PHF3: variants seen among roughly 807,000 people sequenced by gnomAD.
The protein encoded by PHF3 is PHD finger protein 3.
PHF3 carries 41 observed loss-of-function variants against 178.4 expected under a neutral mutation model. That is an observed-to-expected ratio of 0.23 (90% CI 0.18 to 0.30). The LOEUF (loss-of-function observed/expected upper bound fraction) is 0.30. Among genes scored for constraint, PHF3 ranks in the 10% least tolerant of loss-of-function variants. The probability of loss-of-function intolerance (pLI) is 1.00; values close to 1 mark genes in which losing one functional copy is unlikely to be tolerated. For synonymous variants in PHF3, 842 were observed against 800.5 expected, an observed-to-expected ratio of 1.05 and a Z score of -0.88; for missense variants, 2,346 against 2,398.1, an observed-to-expected ratio of 0.98 and a Z score of 0.45.
chr6:63,669,379 T>G (rs532694528), intron 2 of PHF3, among the ~76,000 whole-genome samples: 21 of 152,340 alleles, frequency 1.4e-4, no homozygotes, highest in Admixed American at 4.6e-4. Flanking sequence ...GGTCCCTGTA[T>G]TAACTGGGCC....
In PHF3 at chr6:63,725,364, T is replaced by C. The variant is rs533905743; in HGVS notation, c.*11656T>C. ...CGTTGTACTGATTATAAAACTGTAG[T>C]ACAATATTCCCAGCCAGTCACAATC... On this transcript the variant is annotated 3_prime_UTR_variant, in exon 16 of 16. Coordinates refer to ENST00000262043, the MANE Select transcript of PHF3 (RefSeq NM_001370348.2). 1.3e-4 allele frequency among the ~76,000 whole-genome samples: 20 copies of C among 152,286 alleles called. 2 individuals carry two copies. The South Asian group carries it at 3.7e-3, about 28-fold the overall frequency.
At chr6:63,645,775 G>C (rs1308859137) in intron 1 of PHF3, among the ~76,000 whole-genome samples, 1 of 152,136 alleles carries the variant, frequency 6.6e-6, no homozygotes, top group Non-Finnish European at 1.5e-5. Flanking sequence ...TCAAATGGGA[G>C]ACTAACTTGA....
chr6:63,710,808 G>T (rs1668242006), intron 14 of PHF3, among the ~76,000 whole-genome samples: 1 of 152,110 alleles, frequency 6.6e-6, no homozygotes, highest in Non-Finnish European at 1.5e-5. Context: ...GGAGGTTACA[G>T]CATTGGAAAT....
At chr6:63,652,446 G>C (rs1765058093) in intron 2 of PHF3, among the ~76,000 whole-genome samples, 1 of 152,088 alleles carries the variant, frequency 6.6e-6, no homozygotes, top group Non-Finnish European at 1.5e-5. Context: ...TTAATCCCTT[G>C]TTGGATGGCT....
chr6:63,700,242 G>A (rs577158703), intron 8 of PHF3, 108 bp from the exon 9 acceptor site: 3 of 539,808 alleles, frequency 5.6e-6, no homozygotes, highest in Non-Finnish European at 9.9e-6. Context: ...AAATAATTAA[G>A]TATTTGTAAA....
Position 63,713,719 on chromosome 6 carries a change from C to T in PHF3, c.*11C>T. 1 of 1,532,950 alleles carries T rather than the reference C, an allele frequency of 6.5e-7. No homozygotes were observed. Among genetic ancestry groups the T allele is most frequent in the Non-Finnish European group, 8.7e-7 (1 of 1,145,046 alleles). The allele number at this position is 1,532,950 out of a possible 1,614,324, so 95.0% of individuals were successfully genotyped here. A position where few individuals can be genotyped will look rare whatever the true frequency, so the allele number is the denominator to read the frequency against. On this transcript the variant is annotated 3_prime_UTR_variant, in exon 16 of 16. Coordinates refer to ENST00000262043, the MANE Select transcript of PHF3 (RefSeq NM_001370348.2). ...AAAAGCAAAAGGTAAAATTTGCAGG[C>T]TGCTTCAGGATTACATTTAAATAAC...
Position 63,712,975 on chromosome 6 carries a change from C to T in PHF3, c.5387C>T (p.Ser1796Leu), listed in dbSNP as rs1768024985. 6.2e-7 allele frequency: 1 copy of T among 1,614,040 alleles called. No homozygotes were observed. The highest frequency in any genetic ancestry group is 8.5e-7 in the Non-Finnish European group (1 of 1,179,970). ...AGCCCCAGAACAAGTACAAACTTTT[C>T]ACCCATGAGGCCACAGCAGCCCAAC... ...STSPRTSTNFSPMRPQQPNLQ... is the reference protein window; with the variant it reads ...STSPRTSTNFLPMRPQQPNLQ... The change falls in exon 16 of 16, where the codon TCA becomes TTA. Residue 1796 changes from serine (S) to leucine (L), a missense_variant. Transcript: ENST00000262043.
chr6:63,705,916 T>C (rs2149605990), intron 11 of PHF3, 113 bp from the exon 12 acceptor site: 7 of 727,538 alleles, frequency 9.6e-6, no homozygotes, highest in Non-Finnish European at 1.1e-5. Flanking sequence ...AGGAAATGTA[T>C]GGTTACTCAG....
At chr6:63,657,506 A>G (rs1765287948) in intron 2 of PHF3, among the ~76,000 whole-genome samples, 1 of 152,204 alleles carries the variant, frequency 6.6e-6, no homozygotes, top group African/African-American at 2.4e-5. Context: ...AAAGTACACT[A>G]GAGAAATGTC....
chr6:63,678,770 A>G, intron 2 of PHF3: 1 of 439,800 alleles, frequency 2.3e-6, no homozygotes, highest in Admixed American at 2.5e-5. Flanking sequence ...TGCTCTTCAA[A>G]AAGATTGTGT....
intron 1 of PHF3, 144 bp from the exon 2 acceptor site, chr6:63,646,383 A>AC: frequency 3.9e-6 from 2 of 506,632 alleles, no homozygotes; most frequent in Non-Finnish European, 6.7e-6. Context: ...TATTCTAAAA[A>AC]CAAGTGAGGA....
At chr6:63,641,528 A>ATGTGTGTGTGTGTG (rs201250434) in intron 1 of PHF3, among the ~76,000 whole-genome samples, 1 of 140,570 alleles carries the variant, frequency 7.1e-6, no homozygotes, top group African/African-American at 2.6e-5. Context: ...TTAGGTGTGT[A>ATGTGTGTGTGTGTG]TGTGTGTGTG....
intron 2 of PHF3, among the ~76,000 whole-genome samples, chr6:63,670,224 G>A (rs759786273): frequency 3.9e-5 from 6 of 152,032 alleles, no homozygotes; most frequent in Admixed American, 1.3e-4. Context: ...TTCTGCATGG[G>A]TTAGTCAACA....
At chr6:63,687,980 T>TA (rs1416971275) in intron 4 of PHF3, among the ~76,000 whole-genome samples, 1 of 151,924 alleles carries the variant, frequency 6.6e-6, no homozygotes, top group African/African-American at 2.4e-5. Context: ...TTTTGTGAAT[T>TA]AAAGCCTTCC....
At chr6:63,668,179 A>C (rs1016134375) in intron 2 of PHF3, among the ~76,000 whole-genome samples, 1 of 152,208 alleles carries the variant, frequency 6.6e-6, no homozygotes, top group Admixed American at 6.5e-5. Context: ...TTGTTTCATT[A>C]CCTGGTTGCT....
In PHF3 at chr6:63,700,460, C is replaced by G; in HGVS notation, c.3093C>G (p.Asn1031Lys). Residue 1031 changes from asparagine to lysine, a missense_variant, in exon 9 of 16, where the codon AAC (asparagine) becomes AAG (lysine). This residue lies in a region of PHF3 where 45 missense variants were observed against 87.9 expected (regional missense o/e 0.51). Transcript: ENST00000262043. ...KELAAWRRRE[N>K]RHTIEMIEKE... Reference sequence around the variant, plus strand: ...TAGCTGCTTGGAGACGAAGAGAAAACAGACATGTAAGATTATCTATAAATA... The same window carrying G: ...TAGCTGCTTGGAGACGAAGAGAAAAGAGACATGTAAGATTATCTATAAATA... 3 of 1,516,088 alleles carry G rather than the reference C, an allele frequency of 2.0e-6. No homozygotes were observed. The highest frequency in any genetic ancestry group is 2.7e-6 in the Non-Finnish European group (3 of 1,095,176). 93.9% of individuals were successfully genotyped at this position (1,516,088 alleles called of 1,614,324 possible).
chr6:63,637,751 C>A (rs1210370066), intron 1 of PHF3, among the ~76,000 whole-genome samples: 1 of 152,102 alleles, frequency 6.6e-6, no homozygotes, highest in Non-Finnish European at 1.5e-5. Flanking sequence ...TCTGATTGAG[C>A]CACACAATCA....
chr6:63,711,018 T>C (rs1270299731), intron 14 of PHF3, 149 bp from the exon 15 acceptor site: 2 of 510,910 alleles, frequency 3.9e-6, no homozygotes, highest in Non-Finnish European at 3.4e-6. Flanking sequence ...GCTTTTAATA[T>C]TCTCTTCTGT....
In PHF3 at chr6:63,720,987, T is replaced by TTATA. The variant is rs1463096695; in HGVS notation, c.*7282_*7283insATAT. 1 of 1,551,340 alleles carries TTATA rather than the reference T, an allele frequency of 6.4e-7. No homozygotes were observed. The highest frequency in any genetic ancestry group is 2.4e-5 in the East Asian group (1 of 40,896). On this transcript the variant is annotated 3_prime_UTR_variant, in exon 16 of 16. Coordinates refer to ENST00000262043, the MANE Select transcript of PHF3 (RefSeq NM_001370348.2). ...GTTAACTGCTATTTTCAAGGTCTGA[T>TTATA]TATGGAGACCAATTGCCAGAAAATC...
Sources: gnomAD v4.1 joint callset for allele counts (sites outside exome capture counted in the v4.1 genomes callset) on GRCh38, gnomAD v4.1.1 for gene constraint, gnomAD v4.1.1 regional missense constraint, MANE v1.5 for transcripts, NCBI Gene and HGNC (gene_info 2026-07-23, HGNC 2026-07-21) for gene names.